Variants in CDH4 observed in about 807,000 individuals in gnomAD.
CDH4 encodes the protein cadherin-4.
A neutral mutation model predicts 86.0 loss-of-function variants in CDH4; 33 were observed. The observed-to-expected ratio is 0.38, with a 90% CI of 0.29 to 0.51. The LOEUF (loss-of-function observed/expected upper bound fraction) is 0.51. CDH4 is among the 20% of genes least tolerant of loss of function. The pLI is 0.86. For missense variants in CDH4, 1,114 were observed against 1,307.4 expected (o/e 0.85, Z 2.28); for synonymous variants, 555 against 549.4 (o/e 1.01, Z -0.14).
chr20:61,403,607 C>A (rs2085062453), intron 2 of CDH4, among the ~76,000 whole-genome samples: 2 of 152,132 alleles, frequency 1.3e-5, no homozygotes, highest in Non-Finnish European at 2.9e-5. Context: ...GGGACTTTTT[C>A]CCTGACTTTG....
intron 2 of CDH4, among the ~76,000 whole-genome samples, chr20:61,306,077 C>G (rs1440031850): frequency 6.6e-6 from 1 of 152,142 alleles, no homozygotes; most frequent in Non-Finnish European, 1.5e-5. Flanking sequence ...GGTTTCAGAT[C>G]CTGGCCATCA....
At chr20:61,656,647 G>A (rs2087195046) in intron 2 of CDH4, among the ~76,000 whole-genome samples, 1 of 152,182 alleles carries the variant, frequency 6.6e-6, no homozygotes, top group Non-Finnish European at 1.5e-5. Context: ...TCCTGGGTGG[G>A]TAGATGTGCT....
At chr20:61,537,320 CAGT>C (rs1484921985) in intron 2 of CDH4, among the ~76,000 whole-genome samples, 1 of 152,186 alleles carries the variant, frequency 6.6e-6, no homozygotes, top group African/African-American at 2.4e-5. Flanking sequence ...TTTCTCTCCT[CAGT>C]AGCCATTGTG....
chr20:61,436,145 G>A lies in CDH4; in HGVS notation c.169+181208G>A, dbSNP rs1170507104. On this transcript the variant is annotated intron_variant, in intron 2 of 15. Coordinates refer to ENST00000614565, the MANE Select transcript of CDH4 (RefSeq NM_001794.5). Reference sequence around the variant, plus strand: ...GGCCCTGCCCTCCTCGACTAGGTCAGGACCTCCTAGTCTCGGCTTCAACCC... The same window carrying A: ...GGCCCTGCCCTCCTCGACTAGGTCAAGACCTCCTAGTCTCGGCTTCAACCC... 2.0e-5 allele frequency among the ~76,000 whole-genome samples: 3 copies of A among 152,140 alleles called. No individual in the cohort carries two copies. The East Asian group carries it at 5.8e-4, about 29-fold the overall frequency.
intron 2 of CDH4, among the ~76,000 whole-genome samples, chr20:61,386,385 T>A (rs2084950772): frequency 6.6e-6 from 1 of 152,158 alleles, no homozygotes; most frequent in Non-Finnish European, 1.5e-5. Flanking sequence ...AAGTGGATTC[T>A]CACCTCCCAG....
chr20:61,933,883 G>A (rs1292552497), intron 14 of CDH4, among the ~76,000 whole-genome samples, 173 bp from the exon 15 acceptor site: 1 of 152,184 alleles, frequency 6.6e-6, no homozygotes, highest in Non-Finnish European at 1.5e-5. Flanking sequence ...CAAGGAGGTG[G>A]GGCATTGTGG....
chr20:61,360,850 T>G (rs981338748), intron 2 of CDH4, among the ~76,000 whole-genome samples: 3 of 152,328 alleles, frequency 2.0e-5, no homozygotes, highest in African/African-American at 4.8e-5. Flanking sequence ...TGTATACTTG[T>G]GAACCGATAG....
At chr20:61,707,485 G>T (rs2087844307) in intron 2 of CDH4, among the ~76,000 whole-genome samples, 1 of 152,224 alleles carries the variant, frequency 6.6e-6, no homozygotes, top group African/African-American at 2.4e-5. Flanking sequence ...AACGCGGGAT[G>T]TGGACACGTG....
chr20:61,730,870 A>T (rs2104777), intron 2 of CDH4, among the ~76,000 whole-genome samples: 1 of 151,876 alleles, frequency 6.6e-6, no homozygotes, highest in Non-Finnish European at 1.5e-5. Flanking sequence ...CCACTGGGCC[A>T]TGCAGGCAGC....
chr20:61,296,393 C>T (rs2084355042), intron 2 of CDH4, among the ~76,000 whole-genome samples: 1 of 151,772 alleles, frequency 6.6e-6, no homozygotes, highest in African/African-American at 2.4e-5. Flanking sequence ...CACTGCAGGC[C>T]ACGGGCCATG....
At chr20:61,797,914 G>A (rs1027380239) in intron 4 of CDH4, among the ~76,000 whole-genome samples, 1 of 152,214 alleles carries the variant, frequency 6.6e-6, no homozygotes, top group Non-Finnish European at 1.5e-5. Flanking sequence ...GACACGGACC[G>A]CAGGTTAGGG....
At chr20:61,897,685 TAGAG>T (rs1447454161) in intron 8 of CDH4, among the ~76,000 whole-genome samples, 1 of 152,138 alleles carries the variant, frequency 6.6e-6, no homozygotes, top group Non-Finnish European at 1.5e-5. Context: ...TGGCATTTAT[TAGAG>T]AGAGGCGTCT....
At chr20:61,916,767 G>A (rs932578220) in intron 9 of CDH4, among the ~76,000 whole-genome samples, 2 of 152,244 alleles carry the variant, frequency 1.3e-5, no homozygotes, top group African/African-American at 4.8e-5. Context: ...TGGTGAGGAG[G>A]AATCAGTGAA....
chr20:61,402,694 A>G (rs2085056125), intron 2 of CDH4, among the ~76,000 whole-genome samples: 1 of 152,180 alleles, frequency 6.6e-6, no homozygotes, highest in Admixed American at 6.5e-5. Flanking sequence ...CCTGGCCCAG[A>G]TGCAGTTTTT....
chr20:61,511,797 C>G (rs1407490293), intron 2 of CDH4, among the ~76,000 whole-genome samples: 3 of 152,190 alleles, frequency 2.0e-5, no homozygotes, highest in Non-Finnish European at 4.4e-5. Context: ...TGGGTGCCTT[C>G]CCATATCTTG....
At chr20:61,427,730 C>T (rs1287475218) in intron 2 of CDH4, among the ~76,000 whole-genome samples, 2 of 151,922 alleles carry the variant, frequency 1.3e-5, no homozygotes, top group Non-Finnish European at 2.9e-5. Context: ...AATGTCTACC[C>T]ACGCATTATT....
chr20:61,523,660 G>A (rs898004531), intron 2 of CDH4, among the ~76,000 whole-genome samples: 4 of 152,230 alleles, frequency 2.6e-5, no homozygotes, highest in African/African-American at 7.2e-5. Context: ...CCTGGGGGAC[G>A]GATGGCCACA....
chr20:61,496,681 A>G (rs949151203), intron 2 of CDH4, among the ~76,000 whole-genome samples: 1 of 152,216 alleles, frequency 6.6e-6, no homozygotes, highest in Non-Finnish European at 1.5e-5. Context: ...CAAGACTCCA[A>G]TCAAGATGCA....
chr20:61,329,908 G>T (rs977018219), intron 2 of CDH4, among the ~76,000 whole-genome samples: 6 of 82,246 alleles, frequency 7.3e-5, no homozygotes, highest in Non-Finnish European at 1.2e-4. Flanking sequence ...TCATTATTCA[G>T]CACTCACTTA....
Sources: allele counts gnomAD v4.1 joint callset (sites outside exome capture counted in the v4.1 genomes callset), GRCh38; gene constraint gnomAD v4.1.1; transcripts MANE v1.5; gene names NCBI Gene and HGNC (gene_info 2026-07-23, HGNC 2026-07-21).